The following GPC6 variants were observed in gnomAD, a reference collection of about 807,000 sequenced individuals.
The protein encoded by GPC6 is glypican-6.
A neutral mutation model predicts 55.2 loss-of-function variants in GPC6; 14 were observed. The observed-to-expected ratio is 0.25, with a 90% CI of 0.17 to 0.40. The LOEUF is 0.40. Ranked by LOEUF, GPC6 falls within the 10% of genes least tolerant of loss-of-function variation. The pLI is 1.00. For missense variants in GPC6, 641 were observed against 708.5 expected, an observed-to-expected ratio of 0.90 and a Z score of 1.08; for synonymous variants, 278 against 259.6, an observed-to-expected ratio of 1.07 and a Z score of -0.68.
At chr13:93,222,219 T>C (rs966740814), upstream of GPC6, among the ~76,000 whole-genome samples, 1 of 152,216 alleles carries the variant, frequency 6.6e-6, no homozygotes, top group African/African-American at 2.4e-5. Flanking sequence ...GTCAAAACAA[T>C]ATTTTTTGTC....
intron 3 of GPC6, among the ~76,000 whole-genome samples, chr13:93,926,293 G>A (rs1594593607): frequency 1.3e-5 from 2 of 152,230 alleles, no homozygotes; most frequent in Admixed American, 1.3e-4. Flanking sequence ...CAAACAAGCA[G>A]CTGGTTAAAC....
intron 3 of GPC6, among the ~76,000 whole-genome samples, chr13:93,849,114 T>A (rs74108892): frequency 0.043 from 6,608 of 152,208 alleles, 343 homozygotes; most frequent in East Asian, 0.17. Context: ...TCCATCCTTA[T>A]CATTCCTCAG....
intron 2 of GPC6, among the ~76,000 whole-genome samples, chr13:93,791,515 T>G (rs1886034270): frequency 6.6e-6 from 1 of 152,232 alleles, no homozygotes; most frequent in Non-Finnish European, 1.5e-5. Context: ...ATCACCAATC[T>G]TTATATCTAA....
chr13:93,848,493 C>T (rs1271164910), intron 3 of GPC6, among the ~76,000 whole-genome samples: 2 of 152,240 alleles, frequency 1.3e-5, no homozygotes, highest in East Asian at 3.9e-4. Context: ...TCTGTACCTT[C>T]TTTTGGGCAT....
chr13:93,650,164 C>T (rs184264348), intron 2 of GPC6, among the ~76,000 whole-genome samples: 197 of 152,102 alleles, frequency 1.3e-3, no homozygotes, highest in Middle Eastern at 6.8e-3. Context: ...AGGGCAAGAT[C>T]TAAGGAACCT....
intron 2 of GPC6, among the ~76,000 whole-genome samples, chr13:93,579,879 A>G (rs1012499327): frequency 1.1e-4 from 16 of 152,272 alleles, no homozygotes; most frequent in Non-Finnish European, 1.2e-4. Context: ...CATGCTTTCC[A>G]GTTTTCCATT....
At chr13:94,266,151 C>CTTTTTTTTTTT (rs111623457) in intron 4 of GPC6, among the ~76,000 whole-genome samples, 12 of 142,754 alleles carry the variant, frequency 8.4e-5, no homozygotes, top group East Asian at 2.0e-4. Context: ...CTTTTCTTTT[C>CTTTTTTTTTTT]TTTTTTTTTT....
intron 2 of GPC6, among the ~76,000 whole-genome samples, chr13:93,693,644 A>G (rs185120767): frequency 6.6e-6 from 1 of 152,062 alleles, no homozygotes; most frequent in Non-Finnish European, 1.5e-5. Context: ...ATGCCTGGCT[A>G]ATTTTTTGTA....
intron 1 of GPC6, among the ~76,000 whole-genome samples, chr13:93,247,577 T>C (rs950584968): frequency 6.6e-6 from 1 of 152,160 alleles, no homozygotes; most frequent in Non-Finnish European, 1.5e-5. Flanking sequence ...AGATATCAGG[T>C]CAAGCATTAT....
At chr13:93,289,203 G>A (rs1878236523) in intron 1 of GPC6, among the ~76,000 whole-genome samples, 1 of 152,088 alleles carries the variant, frequency 6.6e-6, no homozygotes, top group Non-Finnish European at 1.5e-5. Context: ...CGTCTTTAAT[G>A]CACACCAGCA....
At chr13:94,149,673 T>C (rs1887671265) in intron 4 of GPC6, among the ~76,000 whole-genome samples, 1 of 152,116 alleles carries the variant, frequency 6.6e-6, no homozygotes, top group African/African-American at 2.4e-5. Context: ...CGATTTTTAC[T>C]CAGAATCCTA....
chr13:93,759,909 C>T (rs984740270), intron 2 of GPC6, among the ~76,000 whole-genome samples: 2 of 150,946 alleles, frequency 1.3e-5, no homozygotes, highest in East Asian at 1.9e-4. Flanking sequence ...TAGAATGTAC[C>T]GTCAGGTGTA....
intron 2 of GPC6, among the ~76,000 whole-genome samples, chr13:93,694,130 C>A (rs1882360821): frequency 6.6e-6 from 1 of 152,142 alleles, no homozygotes; most frequent in Admixed American, 6.5e-5. Context: ...CCCTCTCTTG[C>A]TCTTTTATTA....
intron 3 of GPC6, among the ~76,000 whole-genome samples, chr13:93,898,043 G>T (rs977294283): frequency 6.6e-6 from 1 of 152,040 alleles, no homozygotes; most frequent in South Asian, 2.1e-4. Flanking sequence ...AGAAAATATT[G>T]TTTATTAATT....
chr13:93,307,917 A>G (rs187348772), intron 1 of GPC6, among the ~76,000 whole-genome samples: 7 of 152,348 alleles, frequency 4.6e-5, no homozygotes, highest in Non-Finnish European at 1.5e-5. Context: ...AACATATTGT[A>G]CACTGTAAAT....
chr13:93,322,805 A>G (rs961857916), intron 1 of GPC6, among the ~76,000 whole-genome samples: 9 of 151,856 alleles, frequency 5.9e-5, no homozygotes, highest in African/African-American at 1.5e-4. Context: ...TTTTTTTATT[A>G]TACTTTAAGT....
At chr13:93,294,338 A>T (rs551134373) in intron 1 of GPC6, among the ~76,000 whole-genome samples, 35 of 152,324 alleles carry the variant, frequency 2.3e-4, no homozygotes, top group African/African-American at 7.0e-4. Context: ...AACAATGAAT[A>T]TCTTTGATAC....
intron 4 of GPC6, among the ~76,000 whole-genome samples, chr13:94,095,254 A>G (rs1178620327): frequency 6.6e-6 from 1 of 152,160 alleles, no homozygotes; most frequent in Non-Finnish European, 1.5e-5. Flanking sequence ...AAAAAAGAGT[A>G]GTAGGAAGTA....
chr13:93,609,723 G>A (rs1878387720), intron 2 of GPC6, among the ~76,000 whole-genome samples: 1 of 152,084 alleles, frequency 6.6e-6, no homozygotes, highest in South Asian at 2.1e-4. Context: ...GGAAGTTTAT[G>A]CTTATTTTCT....
Sources: allele counts gnomAD v4.1 joint callset (sites outside exome capture counted in the v4.1 genomes callset), GRCh38; gene constraint gnomAD v4.1.1; transcripts MANE v1.5; gene names NCBI Gene and HGNC (gene_info 2026-07-23, HGNC 2026-07-21).